Variants in PDE7A observed in about 807,000 individuals in gnomAD.
PDE7A encodes the protein phosphodiesterase 7A.
PDE7A carries 39 observed loss-of-function variants against 64.3 expected under a neutral mutation model. The ratio of observed to expected loss-of-function variants is 0.61; its 90% CI spans 0.47 to 0.79. PDE7A has a LOEUF of 0.79. PDE7A is among the 30% of genes least tolerant of loss of function. PDE7A has a pLI of 0.00. For missense variants in PDE7A, 470 were observed against 582.8 expected (o/e 0.81, Z 1.99); for synonymous variants, 203 against 206.8 (o/e 0.98, Z 0.16).
Position 65,724,841 on chromosome 8 carries a change from C to T in PDE7A, c.1001G>A (p.Arg334Lys), listed in dbSNP as rs754158398. The T allele has an allele frequency of 5.6e-6, 9 of 1,612,004 alleles. No individual in the cohort carries two copies. The highest frequency in any genetic ancestry group is 4.4e-5 in the South Asian group (4 of 90,930). ...TAAATCACCTCTATCCAAATGGGAC[C>T]TAAACAAAGACAGATACTCATTCTG... ...SRQNEYLSLF[R>K]SHLDRGDLCL... Residue 334 changes from arginine to lysine, a missense_variant, in exon 10 of 13, where the codon AGG becomes AAG. By Grantham distance (26) the Arg-to-Lys change is conservative. Coordinates refer to ENST00000401827, the MANE Select transcript of PDE7A (RefSeq NM_001242318.3).
intron 12 of PDE7A, chr8:65,722,237 T>C (rs2129064484): frequency 6.6e-6 from 1 of 152,368 alleles, no homozygotes; most frequent in East Asian, 1.9e-4. Context: ...CAGTGTGAGC[T>C]CTCTGGGAGA....
intron 1 of PDE7A, 49 bp from the exon 2 acceptor site, chr8:65,782,892 A>G: frequency 9.5e-7 from 1 of 1,051,198 alleles, no homozygotes; most frequent in Non-Finnish European, 1.5e-6. Flanking sequence ...AATATGATAC[A>G]AAATTCAACT....
intron 1 of PDE7A, among the ~76,000 whole-genome samples, chr8:65,838,067 T>C (rs570399191): frequency 1.3e-5 from 2 of 151,896 alleles, no homozygotes; most frequent in South Asian, 4.2e-4. Flanking sequence ...TTAGCAACAA[T>C]ATAAATTAAC....
chr8:65,720,232 A>G (rs1348924334), intron 12 of PDE7A, among the ~76,000 whole-genome samples: 1 of 152,250 alleles, frequency 6.6e-6, no homozygotes, highest in African/African-American at 2.4e-5. Context: ...CTGACTTAAT[A>G]CTAAGTAGTA....
chr8:65,738,988 G>A (rs994689771), intron 6 of PDE7A, among the ~76,000 whole-genome samples: 11 of 152,174 alleles, frequency 7.2e-5, no homozygotes, highest in African/African-American at 2.7e-4. Flanking sequence ...TGCATCCCTG[G>A]TCTGACTTGC....
At chr8:65,827,740 C>T (rs1810712820) in intron 1 of PDE7A, among the ~76,000 whole-genome samples, 1 of 152,152 alleles carries the variant, frequency 6.6e-6, no homozygotes, top group Non-Finnish European at 1.5e-5. Context: ...ACATGCAGTA[C>T]AGGTTTGCAG....
chr8:65,742,075 A>AAG (rs1491112141), intron 5 of PDE7A, among the ~76,000 whole-genome samples: 2 of 152,260 alleles, frequency 1.3e-5, no homozygotes, highest in Admixed American at 6.5e-5. Context: ...ATTTCAAAAC[A>AAG]AGAGATGCTC....
chr8:65,789,031 C>T (rs1467729002), intron 1 of PDE7A: 7 of 1,544,428 alleles, frequency 4.5e-6, no homozygotes, highest in Admixed American at 3.6e-5. Context: ...CCAGCTGTCC[C>T]GAGGCAAAAG....
rs184664857 is a variant in PDE7A at position 65,734,661 on chromosome 8, C to T, written c.696+133G>A. 1,345 of 587,096 alleles carry T rather than the reference C, an allele frequency of 2.3e-3. 3 individuals are homozygous for T. Among genetic ancestry groups the T allele is most frequent in the Non-Finnish European group, 3.3e-3 (1,087 of 327,144 alleles). 36.4% of individuals were successfully genotyped at this position (587,096 alleles called of 1,614,324 possible). ...ACACAGCCAGATTCAGAAACTTGAT[C>T]CAGCTAGATCTCATTCTTGTGAAGG... On this transcript the variant is annotated intron_variant, in intron 7 of 12. Transcript: ENST00000401827.
intron 3 of PDE7A, among the ~76,000 whole-genome samples, chr8:65,750,525 T>TGA (rs1435339069): frequency 6.6e-6 from 1 of 151,558 alleles, no homozygotes; most frequent in African/African-American, 2.4e-5. Context: ...TGTGTGTGTG[T>TGA]GAGACAGAGA....
At chr8:65,788,799 AG>A in intron 1 of PDE7A, 1 of 889,388 alleles carries the variant, frequency 1.1e-6, no homozygotes. Context: ...AGGCAAAAGG[AG>A]GAGAAAATCG....
chr8:65,770,144 T>C (rs946874832), intron 3 of PDE7A, among the ~76,000 whole-genome samples: 1 of 148,952 alleles, frequency 6.7e-6, no homozygotes, highest in South Asian at 2.1e-4. Context: ...TGTGTGTGTG[T>C]GTGTGTGTGT....
intron 3 of PDE7A, among the ~76,000 whole-genome samples, chr8:65,770,617 C>T (rs896961276): frequency 1.3e-5 from 2 of 152,154 alleles, no homozygotes; most frequent in East Asian, 3.9e-4. Flanking sequence ...GTGAATAACA[C>T]CATAACTTAA....
intron 5 of PDE7A, among the ~76,000 whole-genome samples, chr8:65,741,447 A>G (rs1807432258): frequency 6.6e-6 from 1 of 152,212 alleles, no homozygotes; most frequent in South Asian, 2.1e-4. Flanking sequence ...CTGCCAACAA[A>G]AGACCACAGC....
chr8:65,719,317 T>C lies in PDE7A; in HGVS notation c.1422A>G (p.Leu474=), dbSNP rs777931873. 11 of 1,613,972 alleles carry C rather than the reference T, an allele frequency of 6.8e-6. No individual in the cohort carries two copies. Among genetic ancestry groups the C allele is most frequent in the Non-Finnish European group, 8.5e-6 (10 of 1,179,836 alleles). The change falls in exon 13 of 13, where the codon TTA becomes TTG. Residue 474 remains leucine, a synonymous_variant. Transcript: ENST00000401827. The stretch of plus-strand genomic sequence containing the variant: ...ATGATAACCGATTTTCCTGAGGTAA[T>C]AACTGTGAGTTCAACTCAAATGCAG... ...TDAAFELNSQ[L]LPQENRLS
intron 1 of PDE7A, among the ~76,000 whole-genome samples, chr8:65,837,619 T>C (rs751030155): frequency 9.8e-5 from 15 of 152,370 alleles, no homozygotes; most frequent in Admixed American, 7.2e-4. Flanking sequence ...TCATCACTCA[T>C]GTGGACGATC....
At chr8:65,723,364 A>G in intron 12 of PDE7A, 177 bp downstream of exon 12, 1 of 504,518 alleles carries the variant, frequency 2.0e-6, no homozygotes, top group Non-Finnish European at 3.0e-6. Context: ...TTACATCCTA[A>G]AATTAAATGA....
intron 4 of PDE7A, 79 bp downstream of exon 4, chr8:65,747,573 A>C (rs964318587): frequency 1.2e-5 from 10 of 851,888 alleles, no homozygotes; most frequent in Admixed American, 6.2e-5. Flanking sequence ...AGACTCTATA[A>C]ATCATTACTG....
chr8:65,813,800 T>C (rs1169416672), intron 1 of PDE7A, among the ~76,000 whole-genome samples: 1 of 152,226 alleles, frequency 6.6e-6, no homozygotes, highest in Non-Finnish European at 1.5e-5. Context: ...TAAGGTCCTC[T>C]CTTTAATCGT....
Sources: allele counts gnomAD v4.1 joint callset (sites outside exome capture counted in the v4.1 genomes callset), GRCh38; gene constraint gnomAD v4.1.1; transcripts MANE v1.5; gene names NCBI Gene and HGNC (gene_info 2026-07-23, HGNC 2026-07-21).